Variants in COL25A1 observed in about 807,000 individuals in gnomAD.
COL25A1 encodes collagen alpha-1(XXV) chain.
Under a neutral mutation model 128.4 loss-of-function variants are expected in COL25A1, and 103 were observed. The ratio of observed to expected loss-of-function variants is 0.80; its 90% confidence interval spans 0.68 to 0.94. COL25A1 has a LOEUF of 0.94. COL25A1 is among the 40% of genes least tolerant of loss of function. The probability of loss-of-function intolerance (pLI) is 0.00; values close to 1 mark genes in which losing one functional copy is unlikely to be tolerated. For missense variants in COL25A1, 745 were observed against 840.0 expected (o/e 0.89, Z 1.40); for synonymous variants, 279 against 277.2 (o/e 1.01, Z -0.06).
intron 3 of COL25A1, among the ~76,000 whole-genome samples, chr4:109,298,699 C>G (rs1485106386): frequency 2.0e-5 from 3 of 152,116 alleles, no homozygotes; most frequent in Non-Finnish European, 4.4e-5. Flanking sequence ...CTGATTATTC[C>G]TCAAGCAAAA....
At chr4:109,003,662 G>A (rs558633751) in intron 6 of COL25A1, among the ~76,000 whole-genome samples, 15 of 152,102 alleles carry the variant, frequency 9.9e-5, no homozygotes, top group East Asian at 5.8e-4. Flanking sequence ...GTAGCCTGGC[G>A]TGGTGGCGGA....
At chr4:109,246,208 T>C (rs1780257066) in intron 3 of COL25A1, among the ~76,000 whole-genome samples, 1 of 152,094 alleles carries the variant, frequency 6.6e-6, no homozygotes, top group Non-Finnish European at 1.5e-5. Context: ...ATGATTAATA[T>C]TCAAATTGTC....
At chr4:109,240,174 T>C (rs1779797851) in intron 3 of COL25A1, among the ~76,000 whole-genome samples, 1 of 151,928 alleles carries the variant, frequency 6.6e-6, no homozygotes, top group Admixed American at 6.6e-5. Flanking sequence ...ATAGTAAATA[T>C]ATAAACCAGT....
intron 11 of COL25A1, among the ~76,000 whole-genome samples, chr4:108,927,263 T>C (rs1383473353): frequency 6.6e-6 from 1 of 152,136 alleles, no homozygotes; most frequent in African/African-American, 2.4e-5. Context: ...CAACTGGCTA[T>C]ATTTTAACAT....
chr4:109,190,008 GAAAT>G (rs1377881162), intron 3 of COL25A1, among the ~76,000 whole-genome samples: 4 of 151,890 alleles, frequency 2.6e-5, no homozygotes, highest in African/African-American at 7.3e-5. Context: ...AGCCGAGATA[GAAAT>G]AAATGAGGAG....
intron 6 of COL25A1, among the ~76,000 whole-genome samples, chr4:108,984,417 G>A (rs1378683949): frequency 6.6e-6 from 1 of 152,234 alleles, no homozygotes; most frequent in Non-Finnish European, 1.5e-5. Context: ...GGTGGTTGAT[G>A]GGACTGGGCG....
chr4:108,994,881 G>A (rs1754603423), intron 6 of COL25A1, among the ~76,000 whole-genome samples: 1 of 152,184 alleles, frequency 6.6e-6, no homozygotes, highest in Non-Finnish European at 1.5e-5. Flanking sequence ...TGAGGGGCCT[G>A]TTAGAAGGAA....
At chr4:109,294,031 A>G (rs994430556) in intron 3 of COL25A1, among the ~76,000 whole-genome samples, 1 of 152,166 alleles carries the variant, frequency 6.6e-6, no homozygotes, top group South Asian at 2.1e-4. Flanking sequence ...AATCTACTAG[A>G]TGCTTTTAAA....
intron 3 of COL25A1, among the ~76,000 whole-genome samples, chr4:109,256,849 T>G (rs1163710376): frequency 6.6e-6 from 1 of 152,192 alleles, no homozygotes; most frequent in Non-Finnish European, 1.5e-5. Context: ...ATTTTTAATA[T>G]TTTATCTTTG....
At chr4:109,167,747 T>C (rs1773208394) in intron 3 of COL25A1, among the ~76,000 whole-genome samples, 1 of 152,098 alleles carries the variant, frequency 6.6e-6, no homozygotes, top group Non-Finnish European at 1.5e-5. Context: ...ATGAGTCTCT[T>C]ACAGTCTAGA....
chr4:109,053,529 G>A (rs912352606), intron 3 of COL25A1, among the ~76,000 whole-genome samples: 3 of 152,116 alleles, frequency 2.0e-5, no homozygotes, highest in Non-Finnish European at 4.4e-5. Context: ...CGTGAGGGTG[G>A]GTGGTTATTG....
intron 24 of COL25A1, among the ~76,000 whole-genome samples, chr4:108,855,765 C>G (rs955963124): frequency 1.3e-5 from 2 of 152,078 alleles, no homozygotes; most frequent in Non-Finnish European, 2.9e-5. Context: ...TTCCATCCAG[C>G]TAATAGGTTT....
At chr4:108,970,807 T>A (rs1751836353) in intron 8 of COL25A1, among the ~76,000 whole-genome samples, 1 of 152,218 alleles carries the variant, frequency 6.6e-6, no homozygotes, top group African/African-American at 2.4e-5. Flanking sequence ...CAGTTATTTA[T>A]CTTTCTGTAC....
At chr4:108,958,564 G>C (rs565297932) in intron 8 of COL25A1, among the ~76,000 whole-genome samples, 1 of 151,550 alleles carries the variant, frequency 6.6e-6, no homozygotes, top group Non-Finnish European at 1.5e-5. Flanking sequence ...CTGAAATTTA[G>C]AGTCCCATTT....
chr4:108,959,616 T>A (rs767134496), intron 8 of COL25A1, among the ~76,000 whole-genome samples: 2 of 152,194 alleles, frequency 1.3e-5, no homozygotes, highest in Non-Finnish European at 2.9e-5. Flanking sequence ...ATTCTAAAAA[T>A]CTTGACTTAT....
In COL25A1 at chr4:109,169,353, G is replaced by T. The variant is rs573298929; in HGVS notation, c.368-119174C>A. Reference sequence around the variant, plus strand: ...ATTAACAAAGTTGTCATGGTAATTTGTTCATCGGTGTTATGACACTTATTT... The same window carrying T: ...ATTAACAAAGTTGTCATGGTAATTTTTTCATCGGTGTTATGACACTTATTT... On this transcript the variant is annotated intron_variant, in intron 3 of 37. Transcript: ENST00000399132. Among the ~76,000 whole-genome samples the T allele has an allele frequency of 5.8e-4, 88 of 152,236 alleles. 1 individual carries two copies. The highest frequency in any genetic ancestry group is 1.1e-3 in the Non-Finnish European group (75 of 68,006).
intron 3 of COL25A1, among the ~76,000 whole-genome samples, chr4:109,277,474 C>T (rs561460764): frequency 6.6e-6 from 1 of 152,130 alleles, no homozygotes; most frequent in Non-Finnish European, 1.5e-5. Context: ...TAACTGAATT[C>T]TTCAGTTTTG....
intron 3 of COL25A1, among the ~76,000 whole-genome samples, chr4:109,089,547 C>T (rs920313372): frequency 1.3e-5 from 2 of 152,184 alleles, no homozygotes; most frequent in African/African-American, 4.8e-5. Flanking sequence ...ATTATGAGAT[C>T]AGATCTACTT....
At chr4:109,118,941 T>G (rs1210131479) in intron 3 of COL25A1, among the ~76,000 whole-genome samples, 2 of 151,942 alleles carry the variant, frequency 1.3e-5, no homozygotes, top group Non-Finnish European at 2.9e-5. Flanking sequence ...ACATGAAACA[T>G]TCACCAAGAT....
Sources: gnomAD v4.1 joint callset for allele counts (sites outside exome capture counted in the v4.1 genomes callset) on GRCh38, gnomAD v4.1.1 for gene constraint, MANE v1.5 for transcripts, NCBI Gene and HGNC (gene_info 2026-07-23, HGNC 2026-07-21) for gene names.